FBRSL1: variants seen among roughly 807,000 people sequenced by gnomAD.
FBRSL1 encodes the protein fibrosin like 1.
In FBRSL1, 51 loss-of-function variants were observed where a neutral mutation model predicts 89.6. The ratio of observed to expected loss-of-function variants is 0.57; its 90% CI spans 0.45 to 0.72. The LOEUF (loss-of-function observed/expected upper bound fraction) is 0.72. FBRSL1 is among the 30% of genes least tolerant of loss of function. The probability of loss-of-function intolerance (pLI) is 0.00; values close to 1 mark genes in which losing one functional copy is unlikely to be tolerated. For missense variants in FBRSL1, 1,618 were observed against 1,451.8 expected (o/e 1.11, Z -1.86); for synonymous variants, 779 against 681.1 (o/e 1.14, Z -2.24).
chr12:132,513,080 G>A (rs1376842025), intron 2 of FBRSL1, among the ~76,000 whole-genome samples: 2 of 152,250 alleles, frequency 1.3e-5, no homozygotes, highest in Non-Finnish European at 2.9e-5. Flanking sequence ...CAGATTTCGT[G>A]TGGCCAGATC....
Position 132,546,204 on chromosome 12 carries a change from C to G in FBRSL1, c.616-1799C>G, listed in dbSNP as rs1469180618. On this transcript the variant is annotated intron_variant, in intron 4 of 18. Transcript: ENST00000680143. This position sits in a 1 kb window ranked among gnomAD's most constrained non-coding sequence, Gnocchi z 4.0. ...TGAGCCTGGGCAGTTCCATTTCATA[C>G]TTTCCTCACCAAACACCAAGGCCCG... Among the ~76,000 whole-genome samples the G allele has an allele frequency of 1.3e-5, 2 of 152,384 alleles. No individual in the cohort carries two copies. The highest frequency in any genetic ancestry group is 1.9e-4 in the East Asian group (1 of 5,184).
intron 1 of FBRSL1, among the ~76,000 whole-genome samples, chr12:132,506,315 T>G (rs1012570562): frequency 6.6e-6 from 1 of 152,152 alleles, no homozygotes; most frequent in Non-Finnish European, 1.5e-5. Context: ...TGTGGTAAAT[T>G]TAAACAATTT....
At chr12:132,522,166 C>T (rs999072743) in intron 2 of FBRSL1, among the ~76,000 whole-genome samples, 4 of 152,100 alleles carry the variant, frequency 2.6e-5, no homozygotes, top group South Asian at 2.1e-4. Context: ...GGCTGCATGG[C>T]GGGGCCACTG....
chr12:132,517,643 C>T (rs1029400680), intron 2 of FBRSL1, among the ~76,000 whole-genome samples: 5 of 152,174 alleles, frequency 3.3e-5, no homozygotes, highest in African/African-American at 4.8e-5. Context: ...CAGGGAAGAG[C>T]GCTCTGGGTA....
chr12:132,504,880 A>T (rs1040014227), intron 1 of FBRSL1, among the ~76,000 whole-genome samples: 1 of 152,054 alleles, frequency 6.6e-6, no homozygotes, highest in African/African-American at 2.4e-5. Flanking sequence ...CTGTAATCCC[A>T]GCACTCTGGG....
At chr12:132,498,475 C>G (rs1172347432) in intron 1 of FBRSL1, among the ~76,000 whole-genome samples, 2 of 152,214 alleles carry the variant, frequency 1.3e-5, no homozygotes, top group Non-Finnish European at 2.9e-5. Context: ...CCCTAGCCCT[C>G]CACTCTCATC....
At chr12:132,570,735 G>C (rs1216120769) in intron 8 of FBRSL1, among the ~76,000 whole-genome samples, 195 bp downstream of exon 8, 1 of 152,208 alleles carries the variant, frequency 6.6e-6, no homozygotes, top group East Asian at 1.9e-4. Flanking sequence ...TGTGTGCGGG[G>C]ACAGGCAGGA....
At position 132,525,788 on chromosome 12, in the gene FBRSL1, C is replaced by T. The variant is rs2136928536; in HGVS notation, c.544C>T (p.Leu182Phe). ...GDRDSDDDSV[L>F]EATSSRDPLS... ...CCGGGACAGTGACGACGACAGCGTC[C>T]TCGAAGCCACCAGCTCCCGGGACCC... The change falls in exon 3 of 19, where the codon CTC (leucine) becomes TTC (phenylalanine). Residue 182 changes from leucine to phenylalanine, a missense_variant. Leu to Phe is a conservative substitution (Grantham distance 22). Transcript: ENST00000680143. The T allele has an allele frequency of 1.3e-6, 2 of 1,549,832 alleles. No individual in the cohort carries two copies. The highest frequency in any genetic ancestry group is 2.4e-5 in the East Asian group (1 of 40,894).
At chr12:132,504,401 C>T (rs562221355) in intron 1 of FBRSL1, among the ~76,000 whole-genome samples, 2 of 152,338 alleles carry the variant, frequency 1.3e-5, no homozygotes, top group Non-Finnish European at 2.9e-5. Flanking sequence ...ATCTGTCTAG[C>T]AATGTCACGG....
Position 132,508,980 on chromosome 12 carries a change from C to T in FBRSL1, c.489+630C>T, listed in dbSNP as rs866131619. 8.1e-4 allele frequency among the ~76,000 whole-genome samples: 124 copies of T among 152,302 alleles called. 1 individual carries two copies. Among genetic ancestry groups the T allele is most frequent in the African/African-American group, 2.7e-3 (113 of 41,570 alleles). ...GCTCAGCCTGCAGCTGCTTCCTCCG[C>T]GGGGGTCCGCTGGTGTGCGCCTTCC... On this transcript the variant is annotated intron_variant, in intron 2 of 18. Transcript: ENST00000680143.
At chr12:132,525,707 C>G (rs2035733707) in intron 2 of FBRSL1, 27 bp from the exon 3 acceptor site, 1 of 1,532,202 alleles carries the variant, frequency 6.5e-7, no homozygotes, top group South Asian at 1.2e-5. Flanking sequence ...GGGGGTTTGC[C>G]TGAGACAGTG....
In FBRSL1 at chr12:132,490,214, C is replaced by T. The variant is rs1400623488; in HGVS notation, c.-357C>T. ...CGAGCCCGGTGCCCAGGAGCCCGGC[C>T]GCCTCCCGCCTGCCGCCTGCCGCGC... On this transcript the variant is annotated 5_prime_UTR_variant, in exon 1 of 19. Transcript: ENST00000680143. The T allele has an allele frequency of 3.3e-3, 3 of 918 alleles. No homozygotes were observed. The African/African-American group carries it at 0.083, about 26-fold the overall frequency. 0.1% of individuals were successfully genotyped at this position (918 alleles called of 1,614,324 possible).
intron 1 of FBRSL1, among the ~76,000 whole-genome samples, chr12:132,504,326 A>T (rs1462001446): frequency 6.6e-6 from 1 of 152,188 alleles, no homozygotes; most frequent in Admixed American, 6.5e-5. Context: ...TAGGAATGTT[A>T]TTGGTGCTGT....
At chr12:132,540,885 A>G (rs1184079387) in intron 4 of FBRSL1, among the ~76,000 whole-genome samples, 2 of 152,196 alleles carry the variant, frequency 1.3e-5, no homozygotes, top group South Asian at 2.1e-4. Context: ...CTGAGTAGCC[A>G]TACAGCTGAA....
At position 132,548,018 on chromosome 12, in the gene FBRSL1, G is replaced by A; in HGVS notation, c.631G>A (p.Gly211Ser). 21 of 1,550,114 alleles carry A rather than the reference G, an allele frequency of 1.4e-5. No individual in the cohort carries two copies. Among genetic ancestry groups the A allele is most frequent in the South Asian group, 2.4e-5 (2 of 84,010 alleles). Residue 211 changes from glycine to serine, a missense_variant, in exon 5 of 19, where the codon GGC (glycine) becomes AGC (serine). By Grantham distance (56) the Gly-to-Ser change is moderately conservative. Transcript: ENST00000680143. ...GRGYSCDSESGPDDKASVGSE... is the reference protein window; with the variant it reads ...GRGYSCDSESSPDDKASVGSE... ...GTCCCTGCAGTGTGACAGCGAGAGC[G>A]GCCCGGACGACAAGGTAAGCCCAGC...
At chr12:132,512,883 G>C (rs528807433) in intron 2 of FBRSL1, among the ~76,000 whole-genome samples, 2 of 152,342 alleles carry the variant, frequency 1.3e-5, no homozygotes, top group African/African-American at 2.4e-5. Context: ...ACCCAGAGGG[G>C]CTCTCGAGGC....
intron 4 of FBRSL1, 46 bp downstream of exon 4, chr12:132,528,034 T>C (rs1317272037): frequency 1.3e-6 from 2 of 1,518,794 alleles, no homozygotes; most frequent in Non-Finnish European, 8.9e-7. Context: ...CCCTGGGGCC[T>C]TAGGACCAGG....
chr12:132,517,514 C>T (rs976487104), intron 2 of FBRSL1, among the ~76,000 whole-genome samples: 2 of 152,250 alleles, frequency 1.3e-5, no homozygotes, highest in Non-Finnish European at 1.5e-5. Flanking sequence ...GACAAGTGAC[C>T]GTGCTGCCCT....
intron 4 of FBRSL1, among the ~76,000 whole-genome samples, chr12:132,529,671 G>A (rs1288620818): frequency 4.1e-5 from 6 of 147,488 alleles, no homozygotes; most frequent in African/African-American, 1.5e-4. Flanking sequence ...TGCCACCCTG[G>A]GCTCGGCTCT....
Sources: gnomAD v4.1 joint callset for allele counts (sites outside exome capture counted in the v4.1 genomes callset) on GRCh38, gnomAD v4.1.1 for gene constraint, Gnocchi (gnomAD v3.1) non-coding constraint, MANE v1.5 for transcripts, NCBI Gene and HGNC (gene_info 2026-07-23, HGNC 2026-07-21) for gene names.